DCLK1: variants seen among roughly 807,000 people sequenced by gnomAD.
DCLK1 encodes the protein serine/threonine-protein kinase DCLK1.
Under a neutral mutation model 86.2 loss-of-function variants are expected in DCLK1, and 16 were observed. The observed-to-expected ratio is 0.19, with a 90% CI of 0.13 to 0.28. DCLK1 has a LOEUF of 0.28. Ranked by LOEUF, DCLK1 falls within the 10% of genes least tolerant of loss-of-function variation. The pLI is 1.00. For missense variants in DCLK1, 590 were observed against 940.2 expected (o/e 0.63, Z 4.87); for synonymous variants, 369 against 370.5 (o/e 1.00, Z 0.05).
intron 4 of DCLK1, among the ~76,000 whole-genome samples, chr13:35,914,351 A>ACG (rs1372427592): frequency 4.9e-3 from 43 of 8,802 alleles, no homozygotes; most frequent in African/African-American, 0.013. Context: ...ATATATATAC[A>ACG]TATATATATA....
chr13:35,867,885 G>A (rs1402658744), intron 5 of DCLK1, among the ~76,000 whole-genome samples: 20 of 84,978 alleles, frequency 2.4e-4, no homozygotes, highest in Admixed American at 5.8e-4. Context: ...GAGGGAGAGA[G>A]AGAGAGAAAG....
At chr13:35,985,373 C>T (rs975635295) in intron 3 of DCLK1, among the ~76,000 whole-genome samples, 2 of 146,116 alleles carry the variant, frequency 1.4e-5, no homozygotes, top group Non-Finnish European at 3.0e-5. Context: ...GATGCCTGCT[C>T]TTTGAAAAAC....
intron 4 of DCLK1, among the ~76,000 whole-genome samples, chr13:35,875,137 G>C (rs1039271168): frequency 1.1e-4 from 17 of 152,132 alleles, no homozygotes; most frequent in South Asian, 2.1e-4. Flanking sequence ...AAAAATGTTA[G>C]TTTATGCAAC....
intron 3 of DCLK1, among the ~76,000 whole-genome samples, chr13:35,979,090 G>A (rs1490721131): frequency 6.6e-6 from 1 of 152,114 alleles, no homozygotes; most frequent in African/African-American, 2.4e-5. Context: ...GCTGTTCCCA[G>A]TACCCAATCT....
chr13:35,842,828 C>T (rs1161018512), intron 6 of DCLK1, among the ~76,000 whole-genome samples: 1 of 152,162 alleles, frequency 6.6e-6, no homozygotes, highest in African/African-American at 2.4e-5. Flanking sequence ...GATCTGGTCT[C>T]CTAATGTTTT....
intron 3 of DCLK1, among the ~76,000 whole-genome samples, chr13:35,970,478 G>A (rs1489738178): frequency 6.6e-6 from 1 of 152,190 alleles, no homozygotes; most frequent in African/African-American, 2.4e-5. Context: ...ATATTGGGAG[G>A]TGGGGCCTCT....
intron 1 of DCLK1, among the ~76,000 whole-genome samples, chr13:36,129,828 A>G (rs1886304400): frequency 6.6e-6 from 1 of 151,214 alleles, no homozygotes; most frequent in Non-Finnish European, 1.5e-5. Context: ...TTTCCTATAA[A>G]TCCTGCCATT....
intron 3 of DCLK1, among the ~76,000 whole-genome samples, chr13:36,035,637 C>T (rs570443761): frequency 2.0e-4 from 30 of 152,278 alleles, no homozygotes; most frequent in African/African-American, 6.5e-4. Context: ...CTCCTGGGCT[C>T]AAGTGATCCA....
intron 3 of DCLK1, among the ~76,000 whole-genome samples, chr13:36,092,572 C>T (rs948160344): frequency 2.0e-5 from 3 of 146,744 alleles, no homozygotes; most frequent in African/African-American, 5.0e-5. Flanking sequence ...CTGCAAGCTC[C>T]GCCTCCCGGG....
At chr13:36,108,367 C>T (rs1181594269) in intron 3 of DCLK1, among the ~76,000 whole-genome samples, 1 of 152,166 alleles carries the variant, frequency 6.6e-6, no homozygotes, top group Non-Finnish European at 1.5e-5. Context: ...GCAGCATTTC[C>T]AAAACGTTTA....
chr13:35,898,291 T>C (rs1233110722), intron 4 of DCLK1, among the ~76,000 whole-genome samples: 1 of 152,204 alleles, frequency 6.6e-6, no homozygotes. Context: ...AACACTTAAG[T>C]GTCCTAGCCC....
intron 11 of DCLK1, among the ~76,000 whole-genome samples, chr13:35,819,030 T>C (rs958306438): frequency 2.6e-5 from 4 of 152,010 alleles, no homozygotes; most frequent in African/African-American, 9.7e-5. Context: ...GGCGGCTCTG[T>C]CCTCTGTTCA....
chr13:35,979,216 G>A (rs1879515943), intron 3 of DCLK1, among the ~76,000 whole-genome samples: 1 of 152,164 alleles, frequency 6.6e-6, no homozygotes, highest in Non-Finnish European at 1.5e-5. Context: ...AGTAGCCCAA[G>A]GGCTGTCAAC....
At chr13:35,817,679 A>G (rs1406223742) in intron 11 of DCLK1, among the ~76,000 whole-genome samples, 1 of 152,118 alleles carries the variant, frequency 6.6e-6, no homozygotes, top group Non-Finnish European at 1.5e-5. Context: ...CCAGGCCCAG[A>G]CAGAATGTGT....
chr13:35,922,624 G>A (rs1449801240), intron 4 of DCLK1, among the ~76,000 whole-genome samples: 1 of 152,170 alleles, frequency 6.6e-6, no homozygotes. Context: ...CCTCACACTT[G>A]CCATTATTAT....
At chr13:35,898,743 C>A (rs1566592312) in intron 4 of DCLK1, among the ~76,000 whole-genome samples, 2 of 149,188 alleles carry the variant, frequency 1.3e-5, no homozygotes. Context: ...TGGGTTTTTT[C>A]TTTTTTTTTT....
At chr13:35,927,348 C>T (rs1031083125) in intron 4 of DCLK1, among the ~76,000 whole-genome samples, 3 of 152,322 alleles carry the variant, frequency 2.0e-5, no homozygotes, top group Admixed American at 1.3e-4. Flanking sequence ...ACACAGTTGT[C>T]AAAACATTTC....
chr13:35,911,127 CAAAAA>C (rs60440999), intron 4 of DCLK1, among the ~76,000 whole-genome samples: 1 of 122,222 alleles, frequency 8.2e-6, no homozygotes, highest in African/African-American at 3.2e-5. Context: ...ACTAAAAATA[CAAAAA>C]AAAAAAAAAA....
intron 1 of DCLK1, among the ~76,000 whole-genome samples, chr13:36,128,892 T>G (rs933928563): frequency 4.6e-5 from 7 of 152,210 alleles, no homozygotes; most frequent in Non-Finnish European, 8.8e-5. Context: ...GTAACTGCTC[T>G]TACTTTTTAA....
Sources: allele counts gnomAD v4.1 joint callset (sites outside exome capture counted in the v4.1 genomes callset), GRCh38; gene constraint gnomAD v4.1.1; transcripts MANE v1.5; gene names NCBI Gene and HGNC (gene_info 2026-07-23, HGNC 2026-07-21).